The following RGS6 variants were observed in gnomAD, a reference collection of about 807,000 sequenced individuals.
The protein encoded by RGS6 is regulator of G protein signaling 6.
RGS6 carries 30 observed loss-of-function variants against 78.5 expected under a neutral mutation model. The ratio of observed to expected loss-of-function variants is 0.38; its 90% CI spans 0.29 to 0.52. The LOEUF is 0.52. Ranked by LOEUF, RGS6 falls within the 20% of genes least tolerant of loss-of-function variation. The pLI is 0.85. For synonymous variants in RGS6, 206 were observed against 206.0 expected (o/e 1.00, Z 0.00); for missense variants, 495 against 609.7 (o/e 0.81, Z 1.98).
downstream of RGS6, among the ~76,000 whole-genome samples, chr14:72,568,969 G>A (rs1244423703): frequency 6.6e-6 from 1 of 152,210 alleles, no homozygotes; most frequent in African/African-American, 2.4e-5. Context: ...GGGTTAGGAA[G>A]GGGTAGGAGG....
chr14:72,169,484 A>C (rs2096979258), intron 2 of RGS6, among the ~76,000 whole-genome samples: 1 of 152,208 alleles, frequency 6.6e-6, no homozygotes, highest in Non-Finnish European at 1.5e-5. Flanking sequence ...CCATGGCTTT[A>C]GTGTTTCAAC....
chr14:72,320,507 G>A (rs1319130372), intron 2 of RGS6, among the ~76,000 whole-genome samples: 1 of 152,098 alleles, frequency 6.6e-6, no homozygotes, highest in Non-Finnish European at 1.5e-5. Flanking sequence ...GAACCCGAGA[G>A]GCAGAGCTTG....
At chr14:72,390,536 A>C (rs2089680599) in intron 3 of RGS6, among the ~76,000 whole-genome samples, 1 of 152,256 alleles carries the variant, frequency 6.6e-6, no homozygotes, top group African/African-American at 2.4e-5. Flanking sequence ...GAAAAGTTTT[A>C]ATTGTAAATT....
At chr14:72,236,080 T>C (rs1048822267) in intron 2 of RGS6, among the ~76,000 whole-genome samples, 8 of 152,356 alleles carry the variant, frequency 5.3e-5, no homozygotes, top group Admixed American at 3.3e-4. Context: ...TCACACACTT[T>C]CATTTTCTTA....
chr14:72,051,478 A>T (rs1596633074), intron 2 of RGS6, among the ~76,000 whole-genome samples: 1 of 152,296 alleles, frequency 6.6e-6, no homozygotes, highest in East Asian at 1.9e-4. Flanking sequence ...TAAGGCAAAA[A>T]ATATTAGTAC....
intron 2 of RGS6, among the ~76,000 whole-genome samples, chr14:72,191,065 T>C (rs1375584093): frequency 6.6e-6 from 1 of 152,204 alleles, no homozygotes; most frequent in Non-Finnish European, 1.5e-5. Context: ...ATCTTGTCAA[T>C]ATTATTCCAA....
the RGS6 span, among the ~76,000 whole-genome samples, chr14:72,628,819 T>G: frequency 1.3e-5 from 2 of 152,278 alleles, no homozygotes; most frequent in Admixed American, 6.5e-5. Flanking sequence ...AATACAGTCA[T>G]GAGAACTTGA....
the RGS6 span, among the ~76,000 whole-genome samples, chr14:72,587,301 A>G: frequency 6.6e-6 from 1 of 152,054 alleles, no homozygotes. Flanking sequence ...GAACTGGAAA[A>G]TGGGACTGAG....
intron 2 of RGS6, among the ~76,000 whole-genome samples, chr14:72,031,445 C>T (rs2090875526): frequency 6.6e-6 from 1 of 152,106 alleles, no homozygotes; most frequent in East Asian, 1.9e-4. Context: ...ATATAATTGA[C>T]ATATTTCCCA....
rs111795066 is a variant in RGS6 at position 72,406,382 on chromosome 14, C to CAA, written c.185-48136_185-48135dup. 2.3e-4 allele frequency among the ~76,000 whole-genome samples: 33 copies of CAA among 145,626 alleles called. 1 individual carries two copies. Among genetic ancestry groups the CAA allele is most frequent in the African/African-American group, 7.2e-4 (29 of 40,006 alleles). On this transcript the variant is annotated intron_variant, in intron 3 of 17. Transcript: ENST00000553525. ...CTGGTGACAGAGTGAGACTCCATCTCAAAAAAAAAAATAAGAAACTGCTAT... is the reference window on the plus strand; with the variant it reads ...CTGGTGACAGAGTGAGACTCCATCTCAAAAAAAAAAAAATAAGAAACTGCTAT...
At chr14:72,405,190 A>T (rs560789877) in intron 3 of RGS6, among the ~76,000 whole-genome samples, 50 of 152,278 alleles carry the variant, frequency 3.3e-4, no homozygotes, top group Non-Finnish European at 2.5e-4. Flanking sequence ...AAGTGGCAGG[A>T]ATGTGTCCCT....
chr14:72,365,115 G>A (rs565822606), intron 3 of RGS6, among the ~76,000 whole-genome samples: 10 of 152,242 alleles, frequency 6.6e-5, no homozygotes, highest in South Asian at 2.1e-4. Context: ...AGCAATATGC[G>A]GATGTGTACC....
intron 16 of RGS6, chr14:72,537,628 T>C (rs919665736): frequency 2.9e-6 from 2 of 680,546 alleles, no homozygotes; most frequent in Non-Finnish European, 5.3e-6. Flanking sequence ...CATACATGGC[T>C]CTAATGCCCA....
intron 2 of RGS6, among the ~76,000 whole-genome samples, chr14:72,104,596 G>A (rs911251072): frequency 1.3e-5 from 2 of 152,184 alleles, no homozygotes; most frequent in African/African-American, 2.4e-5. Flanking sequence ...CAAAGCCACC[G>A]TGGCCTTTGA....
chr14:72,385,823 T>G (rs562308933), intron 3 of RGS6, among the ~76,000 whole-genome samples: 1 of 152,336 alleles, frequency 6.6e-6, no homozygotes, highest in African/African-American at 2.4e-5. Flanking sequence ...GGCAAAACTT[T>G]TTCTGAACTG....
intron 3 of RGS6, among the ~76,000 whole-genome samples, chr14:72,422,639 G>A (rs963799584): frequency 1.3e-5 from 2 of 152,172 alleles, no homozygotes; most frequent in Non-Finnish European, 2.9e-5. Flanking sequence ...TCCAAGATTG[G>A]GGAGTGGGTG....
At chr14:72,378,515 C>G (rs753499666) in intron 3 of RGS6, among the ~76,000 whole-genome samples, 2 of 152,062 alleles carry the variant, frequency 1.3e-5, no homozygotes, top group Non-Finnish European at 2.9e-5. Flanking sequence ...AAGGAAACAT[C>G]ACAATGAATA....
chr14:72,541,812 C>T (rs977284178), intron 17 of RGS6, among the ~76,000 whole-genome samples: 5 of 152,212 alleles, frequency 3.3e-5, no homozygotes, highest in Admixed American at 2.6e-4. Flanking sequence ...TTGGACAAAA[C>T]GTCCAGACAT....
chr14:71,901,796 T>A, the RGS6 span, among the ~76,000 whole-genome samples: 1 of 152,232 alleles, frequency 6.6e-6, no homozygotes, highest in South Asian at 2.1e-4. Context: ...TAATTTTGTA[T>A]ACTTGTTGGT....
Sources: allele counts gnomAD v4.1 joint callset (sites outside exome capture counted in the v4.1 genomes callset), GRCh38; gene constraint gnomAD v4.1.1; transcripts MANE v1.5; gene names NCBI Gene and HGNC (gene_info 2026-07-23, HGNC 2026-07-21).